PHACTR3: variants seen among roughly 807,000 people sequenced by gnomAD.
PHACTR3 encodes protein phosphatase 1, regulatory subunit 123.
In PHACTR3, 16 loss-of-function variants were observed where a neutral mutation model predicts 66.8. The ratio of observed to expected loss-of-function variants is 0.24; its 90% CI spans 0.16 to 0.36. The LOEUF is 0.36. Ranked by LOEUF, PHACTR3 falls within the 10% of genes least tolerant of loss-of-function variation. The pLI, the probability that PHACTR3 is intolerant of heterozygous loss-of-function variation, is 1.00. For missense variants in PHACTR3, 647 were observed against 719.9 expected, an observed-to-expected ratio of 0.90 and a Z score of 1.16; for synonymous variants, 323 against 292.1, an observed-to-expected ratio of 1.11 and a Z score of -1.08.
chr20:59,785,892 CA>C (rs1568820849), intron 7 of PHACTR3, among the ~76,000 whole-genome samples: 18 of 136,256 alleles, frequency 1.3e-4, no homozygotes, highest in Middle Eastern at 3.4e-3. Flanking sequence ...TTTTGTTTTC[CA>C]ACGGCCCTCT....
rs1280624521 is a variant in PHACTR3, at chr20:59,830,212, TAGA to T, written c.1329-6289_1329-6287del. ...GATGGAAGAGGGTATGAGTGTCTGATAGAAGAGGGCGTGAGTGTCTGATGGAAG... is the reference window on the plus strand; with the variant it reads ...GATGGAAGAGGGTATGAGTGTCTGATAGAGGGCGTGAGTGTCTGATGGAAG... On this transcript the variant is annotated intron_variant, in intron 8 of 12. Transcript: ENST00000371015. The surrounding 1 kb of genome is among the most constrained non-coding windows in gnomAD (Gnocchi z 5.8). Among the ~76,000 whole-genome samples, 17 of 151,724 alleles carry T rather than the reference TAGA, an allele frequency of 1.1e-4. No homozygotes were observed. Among genetic ancestry groups the T allele is most frequent in the Non-Finnish European group, 1.9e-4 (13 of 67,988 alleles).
intron 1 of PHACTR3, among the ~76,000 whole-genome samples, chr20:59,734,796 G>A (rs924925103): frequency 6.6e-6 from 1 of 152,082 alleles, no homozygotes; most frequent in Non-Finnish European, 1.5e-5. Context: ...GTACTGCCAT[G>A]CATTTATGAA....
At chr20:59,602,392 G>A (rs953183129), upstream of PHACTR3, among the ~76,000 whole-genome samples, 8 of 147,770 alleles carry the variant, frequency 5.4e-5, no homozygotes, top group Admixed American at 3.4e-4. Context: ...GATTGCCCCC[G>A]TGAATAGCCA....
At chr20:59,782,843 G>A (rs1314477563) in intron 7 of PHACTR3, among the ~76,000 whole-genome samples, 1 of 152,156 alleles carries the variant, frequency 6.6e-6, no homozygotes, top group African/African-American at 2.4e-5. Context: ...TAAGACAAAT[G>A]TGTGACGCCA....
intron 1 of PHACTR3, among the ~76,000 whole-genome samples, chr20:59,586,898 C>T (rs956034774): frequency 1.3e-5 from 2 of 152,210 alleles, no homozygotes; most frequent in East Asian, 1.9e-4. Flanking sequence ...CGAATTTGAG[C>T]CTGGACAGTC....
chr20:59,805,657 T>C (rs2041543289), intron 7 of PHACTR3, among the ~76,000 whole-genome samples: 3 of 152,250 alleles, frequency 2.0e-5, no homozygotes, highest in South Asian at 2.1e-4. Flanking sequence ...AGGGACCATG[T>C]GGAGCTGGGT....
chr20:59,694,786 G>A (rs2037235003), intron 1 of PHACTR3, among the ~76,000 whole-genome samples: 1 of 152,130 alleles, frequency 6.6e-6, no homozygotes, highest in African/African-American at 2.4e-5. Context: ...AAGGCACTAG[G>A]ATCCTCAGCA....
chr20:59,827,517 C>G (rs1295422657), intron 8 of PHACTR3, among the ~76,000 whole-genome samples: 1 of 152,132 alleles, frequency 6.6e-6, no homozygotes, highest in Non-Finnish European at 1.5e-5. Context: ...CAGGGCACAG[C>G]GGCCTGGCTA....
intron 4 of PHACTR3, 137 bp from the exon 5 acceptor site, chr20:59,767,049 G>T (rs1417428072): frequency 1.3e-6 from 1 of 746,970 alleles, no homozygotes; most frequent in Non-Finnish European, 2.2e-6. Flanking sequence ...CTTGCAGGAA[G>T]TCAAGTGCCT....
At chr20:59,622,999 A>AAAAAAAAAAAAAAAAAAAAAAAAC (rs1363121702) in intron 1 of PHACTR3, among the ~76,000 whole-genome samples, 1 of 148,556 alleles carries the variant, frequency 6.7e-6, no homozygotes, top group Admixed American at 6.7e-5. Flanking sequence ...AAAAAAAAAA[A>AAAAAAAAAAAAAAAAAAAAAAAAC]AACCCAAATC....
At chr20:59,595,052 C>T (rs766990152) in intron 1 of PHACTR3, among the ~76,000 whole-genome samples, 7 of 152,190 alleles carry the variant, frequency 4.6e-5, no homozygotes, top group Non-Finnish European at 1.0e-4. Context: ...ACCTATGTGG[C>T]ACATGAGGTG....
At chr20:59,722,448 C>A (rs934849969) in intron 1 of PHACTR3, among the ~76,000 whole-genome samples, 1 of 152,072 alleles carries the variant, frequency 6.6e-6, no homozygotes, top group African/African-American at 2.4e-5. Context: ...TCAGGGACTT[C>A]CCTGTGCAGT....
At chr20:59,718,799 G>A (rs550028003) in intron 1 of PHACTR3, among the ~76,000 whole-genome samples, 2 of 152,320 alleles carry the variant, frequency 1.3e-5, no homozygotes, top group East Asian at 1.9e-4. Flanking sequence ...TTTTAAAAAG[G>A]GTGTCAACAT....
chr20:59,759,005 G>A (rs1248399748), intron 4 of PHACTR3, among the ~76,000 whole-genome samples: 5 of 152,134 alleles, frequency 3.3e-5, no homozygotes, highest in Admixed American at 1.3e-4. Flanking sequence ...CACCATCATC[G>A]TTGTCATCGT....
At chr20:59,629,658 C>T (rs925682114) in intron 1 of PHACTR3, among the ~76,000 whole-genome samples, 1 of 152,212 alleles carries the variant, frequency 6.6e-6, no homozygotes, top group Non-Finnish European at 1.5e-5. Flanking sequence ...CTGGAGGCTT[C>T]CATCTTCTGC....
chr20:59,757,429 G>A (rs2039839240), intron 4 of PHACTR3, among the ~76,000 whole-genome samples: 1 of 152,242 alleles, frequency 6.6e-6, no homozygotes, highest in South Asian at 2.1e-4. Context: ...GGAGGAGTGG[G>A]AATCAGCTGG....
intron 2 of PHACTR3, among the ~76,000 whole-genome samples, chr20:59,744,839 C>T (rs919736860): frequency 2.0e-5 from 3 of 152,158 alleles, no homozygotes; most frequent in Non-Finnish European, 2.9e-5. Context: ...AGTAGGGAGT[C>T]GAGTGACAAA....
intron 1 of PHACTR3, among the ~76,000 whole-genome samples, chr20:59,641,929 C>A (rs189116143): frequency 1.3e-5 from 2 of 152,248 alleles, no homozygotes; most frequent in East Asian, 1.9e-4. Context: ...TTAAACCTCC[C>A]AAGGCCCCTC....
intron 7 of PHACTR3, among the ~76,000 whole-genome samples, chr20:59,781,376 A>G (rs554212646): frequency 1.3e-5 from 2 of 152,352 alleles, no homozygotes; most frequent in South Asian, 4.1e-4. Flanking sequence ...CAGGTTGGGT[A>G]ACCCACGGCG....
Sources: allele counts gnomAD v4.1 joint callset (sites outside exome capture counted in the v4.1 genomes callset), GRCh38; gene constraint gnomAD v4.1.1; non-coding constraint Gnocchi (gnomAD v3.1); transcripts MANE v1.5; gene names NCBI Gene and HGNC (gene_info 2026-07-23, HGNC 2026-07-21).